The following CADPS2 variants were observed in gnomAD, a reference collection of about 807,000 sequenced individuals.
CADPS2 encodes calcium-dependent secretion activator 2.
A neutral mutation model predicts 172.5 loss-of-function variants in CADPS2; 93 were observed. The ratio of observed to expected loss-of-function variants is 0.54; its 90% confidence interval spans 0.46 to 0.64. The LOEUF is 0.64. Among genes scored for constraint, CADPS2 ranks in the 30% least tolerant of loss-of-function variants. The pLI, the probability that CADPS2 is intolerant of heterozygous loss-of-function variation, is 0.00. For missense variants in CADPS2, 1,420 were observed against 1,565.9 expected (o/e 0.91, Z 1.57); for synonymous variants, 546 against 555.2 (o/e 0.98, Z 0.23).
chr7:122,598,849 G>A (rs1464198136), intron 6 of CADPS2, among the ~76,000 whole-genome samples: 1 of 152,060 alleles, frequency 6.6e-6, no homozygotes, highest in Non-Finnish European at 1.5e-5. Flanking sequence ...CCTGCCTTCT[G>A]TCTTCAGTGA....
chr7:122,386,305 C>A, intron 24 of CADPS2: 1 of 1,438,148 alleles, frequency 7.0e-7, no homozygotes, highest in Non-Finnish European at 9.2e-7. Flanking sequence ...CCATTGACTA[C>A]CAAACTGGAT....
chr7:122,621,536 T>C lies in CADPS2; in HGVS notation c.1049A>G (p.Asp350Gly). 6.2e-7 allele frequency: 1 copy of C among 1,613,846 alleles called. No homozygotes were observed. The highest frequency in any genetic ancestry group is 1.1e-5 in the South Asian group (1 of 91,074). The change falls in exon 5 of 30, where the codon GAT (aspartate) becomes GGT (glycine). Residue 350 changes from aspartate (D) to glycine (G), a missense_variant. Coordinates refer to ENST00000449022, the MANE Select transcript of CADPS2 (RefSeq NM_017954.11). ...CTTTGACAGCTGAATCTCATTCTCATCTCCTATGTCCAAAAATGCAGAGTT... is the reference window on the plus strand; with the variant it reads ...CTTTGACAGCTGAATCTCATTCTCACCTCCTATGTCCAAAAATGCAGAGTT... ...SQNSAFLDIG[D>G]ENEIQLSKSD...
intron 25 of CADPS2, 95 bp downstream of exon 25, chr7:122,379,273 A>T: frequency 3.8e-6 from 3 of 794,550 alleles, no homozygotes; most frequent in Non-Finnish European, 5.8e-6. Flanking sequence ...CTTTTAAACT[A>T]CATTTTTTCT....
At chr7:122,480,937 T>C in intron 11 of CADPS2, 77 bp from the exon 12 acceptor site, 1 of 1,112,194 alleles carries the variant, frequency 9.0e-7, no homozygotes, top group Non-Finnish European at 1.2e-6. Flanking sequence ...AACTAGACAT[T>C]TAATTTTTTA....
intron 1 of CADPS2, among the ~76,000 whole-genome samples, chr7:122,852,489 G>A (rs983212665): frequency 6.6e-6 from 1 of 152,206 alleles, no homozygotes; most frequent in African/African-American, 2.4e-5. Flanking sequence ...AGAAGTGTAT[G>A]TGGGTGGGGC....
At chr7:122,600,852 G>A (rs184310958) in intron 6 of CADPS2, among the ~76,000 whole-genome samples, 16 of 152,022 alleles carry the variant, frequency 1.1e-4, no homozygotes, top group African/African-American at 3.1e-4. Context: ...ACGAGAATGA[G>A]GCAACCTGAA....
chr7:122,472,646 T>G (rs1266323099), intron 13 of CADPS2, among the ~76,000 whole-genome samples: 1 of 152,204 alleles, frequency 6.6e-6, no homozygotes, highest in African/African-American at 2.4e-5. Flanking sequence ...TTTTGATAAT[T>G]GAATAATGTC....
chr7:122,557,776 T>C (rs1453722013), intron 7 of CADPS2, among the ~76,000 whole-genome samples: 1 of 152,218 alleles, frequency 6.6e-6, no homozygotes, highest in Non-Finnish European at 1.5e-5. Flanking sequence ...TTGCCACGAT[T>C]CATGCTTTCA....
intron 17 of CADPS2, among the ~76,000 whole-genome samples, chr7:122,437,078 T>C (rs2050731560): frequency 6.6e-6 from 1 of 152,124 alleles, no homozygotes; most frequent in South Asian, 2.1e-4. Flanking sequence ...TTTCTTCCAA[T>C]CTGTGTCAGA....
chr7:122,609,923 G>A (rs1306310527), intron 6 of CADPS2, among the ~76,000 whole-genome samples: 1 of 152,164 alleles, frequency 6.6e-6, no homozygotes, highest in Non-Finnish European at 1.5e-5. Context: ...TGTCATGCAA[G>A]ATGAGTTCAG....
intron 14 of CADPS2, among the ~76,000 whole-genome samples, chr7:122,467,699 G>T (rs1050484762): frequency 6.6e-6 from 1 of 152,086 alleles, no homozygotes; most frequent in Non-Finnish European, 1.5e-5. Context: ...ATTAAATTGG[G>T]ACATAAAAGC....
intron 17 of CADPS2, among the ~76,000 whole-genome samples, chr7:122,420,154 A>T (rs1340811896): frequency 2.6e-5 from 4 of 152,132 alleles, no homozygotes; most frequent in Non-Finnish European, 4.4e-5. Flanking sequence ...GAATTACTAT[A>T]ATTCTTTTTC....
At chr7:122,516,372 A>G (rs1435092314) in intron 8 of CADPS2, among the ~76,000 whole-genome samples, 1 of 152,040 alleles carries the variant, frequency 6.6e-6, no homozygotes, top group Non-Finnish European at 1.5e-5. Flanking sequence ...CTGTCTGTAC[A>G]AAAATAAAAA....
At chr7:122,845,859 A>C (rs963368406) in intron 1 of CADPS2, among the ~76,000 whole-genome samples, 1 of 152,222 alleles carries the variant, frequency 6.6e-6, no homozygotes, top group Non-Finnish European at 1.5e-5. Flanking sequence ...GATTCCATCC[A>C]AAGGGGAAGG....
At chr7:122,560,165 T>G (rs1175306048) in intron 7 of CADPS2, among the ~76,000 whole-genome samples, 1 of 151,914 alleles carries the variant, frequency 6.6e-6, no homozygotes, top group African/African-American at 2.4e-5. Flanking sequence ...CAAAATCAGG[T>G]AAGTTGGGCA....
At chr7:122,800,412 T>A (rs2139926701) in intron 1 of CADPS2, among the ~76,000 whole-genome samples, 1 of 152,290 alleles carries the variant, frequency 6.6e-6, no homozygotes, top group Middle Eastern at 3.4e-3. Context: ...ACTGTTGTAA[T>A]CTATAAGCTT....
rs570190248 is a variant in CADPS2 at position 122,623,823 on chromosome 7, C to G, written c.868-2106G>C. On this transcript the variant is annotated intron_variant, in intron 4 of 29. Transcript: ENST00000449022. ...AAGTAGAGTTTAACAAAGAAAAAGGCGAGCATGTCACGTATCTGAAAGTTC... is the reference window on the plus strand; with the variant it reads ...AAGTAGAGTTTAACAAAGAAAAAGGGGAGCATGTCACGTATCTGAAAGTTC... Among the ~76,000 whole-genome samples, 12 of 152,198 alleles carry G rather than the reference C, an allele frequency of 7.9e-5. No individual in the cohort carries two copies. The East Asian group carries it at 2.3e-3, about 29-fold the overall frequency.
chr7:122,501,768 G>C (rs558744852), intron 9 of CADPS2, among the ~76,000 whole-genome samples: 16 of 151,452 alleles, frequency 1.1e-4, no homozygotes, highest in African/African-American at 3.4e-4. Flanking sequence ...CCAGCTACTC[G>C]GGAGGCTGAG....
intron 27 of CADPS2, among the ~76,000 whole-genome samples, chr7:122,346,511 G>C (rs2037686468): frequency 1.3e-5 from 2 of 152,026 alleles, no homozygotes; most frequent in East Asian, 3.9e-4. Flanking sequence ...AAGATATTGG[G>C]GAAAATATTT....
Sources: allele counts gnomAD v4.1 joint callset (sites outside exome capture counted in the v4.1 genomes callset), GRCh38; gene constraint gnomAD v4.1.1; transcripts MANE v1.5; gene names NCBI Gene and HGNC (gene_info 2026-07-23, HGNC 2026-07-21).